GAREM1: variants seen among roughly 807,000 people sequenced by gnomAD.
The protein encoded by GAREM1 is GRB2 associated regulator of MAPK1 subtype 1, also known as GRB2-associated and regulator of MAPK protein 1.
GAREM1 carries 26 observed loss-of-function variants against 71.3 expected under a neutral mutation model. The ratio of observed to expected loss-of-function variants is 0.36; its 90% CI spans 0.27 to 0.51. GAREM1 has a LOEUF of 0.51. Ranked by LOEUF, GAREM1 falls within the 20% of genes least tolerant of loss-of-function variation. GAREM1 has a pLI of 0.95. For synonymous variants in GAREM1, 440 were observed against 433.2 expected, an observed-to-expected ratio of 1.02 and a Z score of -0.20; for missense variants, 1,026 against 1,103.1, an observed-to-expected ratio of 0.93 and a Z score of 0.99.
chr18:32,431,736 T>C (rs1018943760), intron 1 of GAREM1, among the ~76,000 whole-genome samples: 2 of 152,118 alleles, frequency 1.3e-5, no homozygotes, highest in Non-Finnish European at 2.9e-5. Flanking sequence ...TTGGGTGAGC[T>C]TAAAGAAATC....
intron 1 of GAREM1, among the ~76,000 whole-genome samples, chr18:32,423,805 CA>C (rs751451650): frequency 6.6e-6 from 1 of 152,166 alleles, no homozygotes; most frequent in Non-Finnish European, 1.5e-5. Context: ...TTAATTATTT[CA>C]TATGTTAGAC....
At chr18:32,393,359 T>C (rs928494225) in intron 1 of GAREM1, among the ~76,000 whole-genome samples, 7 of 152,192 alleles carry the variant, frequency 4.6e-5, no homozygotes, top group Non-Finnish European at 7.3e-5. Context: ...TATTAGGTAC[T>C]GTTTAGATGC....
rs141971691 is a variant in GAREM1, at chr18:32,268,530, G to A, written c.1972C>T (p.Pro658Ser). The A allele has an allele frequency of 4.6e-4, 737 of 1,614,002 alleles. No homozygotes were observed. Among genetic ancestry groups the A allele is most frequent in the Non-Finnish European group, 5.8e-4 (688 of 1,180,036 alleles). Residue 658 changes from proline (P) to serine (S), a missense_variant, in exon 6 of 6, where the codon CCA becomes TCA. By Grantham distance (74) the Pro-to-Ser change is moderately conservative. This residue lies in a region of GAREM1 where 636 missense variants were observed against 631.2 expected (regional missense o/e 1.01). Transcript: ENST00000269209. Reference protein sequence around the residue: ...RSYSYPRQKTPGTPKRNCPAP... With the variant: ...RSYSYPRQKTSGTPKRNCPAP... ...GGGCAGTTTCTCTTTGGTGTGCCTG[G>A]CGTCTTTTGTCTAGGGTAACTATAA...
intron 1 of GAREM1, among the ~76,000 whole-genome samples, chr18:32,427,644 C>T (rs976343274): frequency 4.6e-5 from 7 of 152,178 alleles, no homozygotes; most frequent in African/African-American, 1.7e-4. Flanking sequence ...TATTCTGTCA[C>T]ATCATAAAAA....
chr18:32,448,039 A>G (rs2048800565), intron 1 of GAREM1, among the ~76,000 whole-genome samples: 1 of 152,160 alleles, frequency 6.6e-6, no homozygotes, highest in Non-Finnish European at 1.5e-5. Context: ...AAATAAATAT[A>G]TGGACATAGA....
At chr18:32,399,217 C>T (rs2048287374) in intron 1 of GAREM1, among the ~76,000 whole-genome samples, 2 of 152,144 alleles carry the variant, frequency 1.3e-5, no homozygotes, top group Non-Finnish European at 2.9e-5. Flanking sequence ...CAATATCATA[C>T]TGAATGGGCA....
chr18:32,392,315 A>G (rs1047394903), intron 2 of GAREM1, among the ~76,000 whole-genome samples: 1 of 152,188 alleles, frequency 6.6e-6, no homozygotes, highest in African/African-American at 2.4e-5. Flanking sequence ...ACTCAATAAA[A>G]ATCAGTTATA....
At chr18:32,400,831 C>A (rs1298665214) in intron 1 of GAREM1, among the ~76,000 whole-genome samples, 2 of 152,120 alleles carry the variant, frequency 1.3e-5, no homozygotes, top group South Asian at 2.1e-4. Flanking sequence ...TGGGTATATA[C>A]CCAAAGGATT....
chr18:32,408,259 T>G (rs2048384321), intron 1 of GAREM1, among the ~76,000 whole-genome samples: 1 of 151,984 alleles, frequency 6.6e-6, no homozygotes. Context: ...CTAAAAATAT[T>G]GTCACACCTT....
At chr18:32,439,446 A>G (rs942616587) in intron 1 of GAREM1, among the ~76,000 whole-genome samples, 1 of 152,114 alleles carries the variant, frequency 6.6e-6, no homozygotes, top group Non-Finnish European at 1.5e-5. Context: ...ACTTCCTGTG[A>G]TTGCTTAAGT....
At chr18:32,378,100 A>T (rs2144636886) in intron 2 of GAREM1, among the ~76,000 whole-genome samples, 1 of 149,344 alleles carries the variant, frequency 6.7e-6, no homozygotes, top group South Asian at 2.1e-4. Flanking sequence ...AGGTGAAGTG[A>T]AGTGATAAAT....
At chr18:32,393,946 ATTAAG>A (rs1228361112) in intron 1 of GAREM1, among the ~76,000 whole-genome samples, 14 of 152,224 alleles carry the variant, frequency 9.2e-5, no homozygotes, top group African/African-American at 2.9e-4. Context: ...TATTACAGTA[ATTAAG>A]TTATTAGTGA....
chr18:32,400,438 A>AAT (rs2048303357), intron 1 of GAREM1, among the ~76,000 whole-genome samples: 1 of 152,346 alleles, frequency 6.6e-6, no homozygotes, highest in African/African-American at 2.4e-5. Context: ...ACAAAGGGCT[A>AAT]ATATCCAGAA....
intron 1 of GAREM1, among the ~76,000 whole-genome samples, chr18:32,465,685 G>A (rs2048992306): frequency 6.6e-6 from 1 of 152,096 alleles, no homozygotes; most frequent in Admixed American, 6.5e-5. Flanking sequence ...TTTAAACTGG[G>A]GTACATGTTT....
intron 1 of GAREM1, chr18:32,413,291 A>T (rs1251433355): frequency 7.7e-7 from 1 of 1,302,900 alleles, no homozygotes; most frequent in Non-Finnish European, 1.1e-6. Flanking sequence ...CACTCACATT[A>T]AGTAGATTTC....
chr18:32,448,032 T>C (rs1401806823), intron 1 of GAREM1, among the ~76,000 whole-genome samples: 1 of 152,168 alleles, frequency 6.6e-6, no homozygotes, highest in Non-Finnish European at 1.5e-5. Context: ...ATTTCACAAA[T>C]AAATATATGG....
intron 2 of GAREM1, among the ~76,000 whole-genome samples, chr18:32,360,508 C>T (rs1477247842): frequency 6.6e-6 from 1 of 152,092 alleles, no homozygotes; most frequent in African/African-American, 2.4e-5. Flanking sequence ...GGGAAGCCTA[C>T]TGGCCTACTG....
At chr18:32,429,806 T>C (rs1277812415) in intron 1 of GAREM1, among the ~76,000 whole-genome samples, 4 of 152,206 alleles carry the variant, frequency 2.6e-5, no homozygotes, top group Non-Finnish European at 5.9e-5. Context: ...ACCTTCCTGG[T>C]GCAGAGGAGG....
intron 2 of GAREM1, among the ~76,000 whole-genome samples, chr18:32,385,291 G>C (rs1176098929): frequency 6.6e-6 from 1 of 151,358 alleles, no homozygotes; most frequent in Non-Finnish European, 1.5e-5. Context: ...ATCCTTCCTT[G>C]CTGTCTACCT....
Sources: allele counts gnomAD v4.1 joint callset (sites outside exome capture counted in the v4.1 genomes callset), GRCh38; gene constraint gnomAD v4.1.1; regional missense constraint gnomAD v4.1.1; transcripts MANE v1.5; gene names NCBI Gene and HGNC (gene_info 2026-07-23, HGNC 2026-07-21).